OR6N1: variants seen among roughly 807,000 people sequenced by gnomAD.
OR6N1 encodes the protein olfactory receptor family 6 subfamily N member 1.
For synonymous variants in OR6N1, 170 were observed against 150.7 expected, an observed-to-expected ratio of 1.13 and a Z score of -0.94; for missense variants, 394 against 371.7, an observed-to-expected ratio of 1.06 and a Z score of -0.49.
intron 1 of OR6N1, among the ~76,000 whole-genome samples, chr1:158,769,285 C>T (rs187401900): frequency 4.4e-4 from 67 of 152,022 alleles, no homozygotes; most frequent in African/African-American, 1.4e-3. Flanking sequence ...CACCTCCACC[C>T]CACAAGTAGC....
chr1:158,775,837 A>G (rs1657577712), upstream of OR6N1: 1 of 152,230 alleles, frequency 6.6e-6, no homozygotes, highest in Non-Finnish European at 1.5e-5. Flanking sequence ...GAAGAAACAC[A>G]AGGAAACAAA....
At chr1:158,777,349 C>T in the OR6N1 span, 3 of 1,613,976 alleles carry the variant, frequency 1.9e-6, no homozygotes, top group Non-Finnish European at 2.5e-6. Context: ...AAGGAGGCAT[C>T]CTGCAAAAGA....
chr1:158,794,016 T>C, the OR6N1 span, among the ~76,000 whole-genome samples: 1 of 152,324 alleles, frequency 6.6e-6, no homozygotes, highest in African/African-American at 2.4e-5. Flanking sequence ...CACTTCCTTT[T>C]ATCTGCAGGA....
the OR6N1 span, among the ~76,000 whole-genome samples, chr1:158,802,199 C>CTTTTT: frequency 1.9e-5 from 2 of 105,198 alleles, no homozygotes; most frequent in Non-Finnish European, 1.8e-5. Context: ...CCTCATAGCA[C>CTTTTT]TTTTTTTTTT....
chr1:158,813,998 C>A, the OR6N1 span, among the ~76,000 whole-genome samples: 2 of 152,076 alleles, frequency 1.3e-5, no homozygotes, highest in Non-Finnish European at 2.9e-5. Flanking sequence ...CCATGCCTAG[C>A]CAGATGTACT....
chr1:158,827,456 C>T, the OR6N1 span, among the ~76,000 whole-genome samples: 1 of 152,218 alleles, frequency 6.6e-6, no homozygotes, highest in East Asian at 1.9e-4. Context: ...TGAAAAACAC[C>T]AGCATTCCAC....
chr1:158,802,845 T>C, the OR6N1 span, among the ~76,000 whole-genome samples: 5 of 152,286 alleles, frequency 3.3e-5, no homozygotes, highest in Admixed American at 2.6e-4. Flanking sequence ...CTAATCTACT[T>C]TTTCATTATT....
At chr1:158,833,302 A>G in the OR6N1 span, among the ~76,000 whole-genome samples, 2 of 152,240 alleles carry the variant, frequency 1.3e-5, no homozygotes, top group Non-Finnish European at 2.9e-5. Flanking sequence ...AGCTTTGAAT[A>G]TAATAATTGT....
At chr1:158,787,608 A>ATC in the OR6N1 span, among the ~76,000 whole-genome samples, 4 of 140,498 alleles carry the variant, frequency 2.8e-5, no homozygotes, top group African/African-American at 7.6e-5. Context: ...CTCTCTCTCT[A>ATC]TCTATCTCTC....
chr1:158,818,285 A>G, the OR6N1 span, among the ~76,000 whole-genome samples: 2 of 152,214 alleles, frequency 1.3e-5, no homozygotes, highest in African/African-American at 4.8e-5. Context: ...TAGCCACCTT[A>G]GTGGTCACTC....
chr1:158,791,719 C>T, the OR6N1 span, among the ~76,000 whole-genome samples: 3 of 152,100 alleles, frequency 2.0e-5, no homozygotes, highest in Admixed American at 1.3e-4. Context: ...TTGCCTGCCT[C>T]GGCCTCCCAA....
chr1:158,792,518 C>CT, the OR6N1 span, among the ~76,000 whole-genome samples: 1 of 152,002 alleles, frequency 6.6e-6, no homozygotes, highest in East Asian at 1.9e-4. Context: ...GTGTATTAAC[C>CT]TTTTTTTCCC....
the OR6N1 span, among the ~76,000 whole-genome samples, chr1:158,832,222 T>C: frequency 2.6e-5 from 4 of 152,106 alleles, no homozygotes; most frequent in East Asian, 7.7e-4. Context: ...TACTTTGGGA[T>C]ACATTTTGAC....
chr1:158,834,824 C>G, the OR6N1 span, among the ~76,000 whole-genome samples: 2 of 152,150 alleles, frequency 1.3e-5, no homozygotes, highest in African/African-American at 4.8e-5. Context: ...AAGGGTTCAA[C>G]TTTTTGTATA....
chr1:158,772,748 T>A (rs890620317), upstream of OR6N1, among the ~76,000 whole-genome samples: 6 of 152,174 alleles, frequency 3.9e-5, no homozygotes, highest in African/African-American at 1.2e-4. Context: ...GAATCTTGGA[T>A]ACAATCCCAG....
At chr1:158,826,629 G>A in the OR6N1 span, among the ~76,000 whole-genome samples, 48 of 152,276 alleles carry the variant, frequency 3.2e-4, no homozygotes, top group Admixed American at 7.2e-4. Flanking sequence ...ACATAGGAAC[G>A]TGTAGAGTAT....
the OR6N1 span, among the ~76,000 whole-genome samples, chr1:158,795,863 T>C: frequency 2.6e-5 from 4 of 152,192 alleles, no homozygotes; most frequent in South Asian, 8.3e-4. Flanking sequence ...TTTCACAGAG[T>C]TTGCGGCTTC....
At chr1:158,836,141 T>TAAA in the OR6N1 span, among the ~76,000 whole-genome samples, 6 of 150,236 alleles carry the variant, frequency 4.0e-5, no homozygotes, top group East Asian at 5.8e-4. Context: ...TAGCATTTTG[T>TAAA]AAAAAAAAAA....
the OR6N1 span, among the ~76,000 whole-genome samples, chr1:158,787,216 T>C: frequency 2.0e-5 from 3 of 152,120 alleles, no homozygotes; most frequent in Non-Finnish European, 4.4e-5. Flanking sequence ...CGTGACATGT[T>C]GGCTCCTCTT....
Sources: gnomAD v4.1 joint callset for allele counts (sites outside exome capture counted in the v4.1 genomes callset) on GRCh38, gnomAD v4.1.1 for gene constraint, MANE v1.5 for transcripts, NCBI Gene and HGNC (gene_info 2026-07-23, HGNC 2026-07-21) for gene names.